FER1L6: variants seen among roughly 807,000 people sequenced by gnomAD.
The protein encoded by FER1L6 is fer-1 like family member 6.
Under a neutral mutation model 219.2 loss-of-function variants are expected in FER1L6, and 177 were observed. The observed-to-expected ratio is 0.81, with a 90% CI of 0.71 to 0.91. The LOEUF (loss-of-function observed/expected upper bound fraction) is 0.91, where lower values mean the gene tolerates loss of function less well. Ranked by LOEUF, FER1L6 falls within the 40% of genes least tolerant of loss-of-function variation. The pLI, the probability that FER1L6 is intolerant of heterozygous loss-of-function variation, is 0.00. For synonymous variants in FER1L6, 768 were observed against 824.3 expected (o/e 0.93, Z 1.17); for missense variants, 2,153 against 2,259.9 (o/e 0.95, Z 0.96).
rs1237781579 is a variant in FER1L6, at chr8:123,973,568, T to C, written c.526+56T>C. ...TCACTTGTCTTTGGTTTATAGCACC[T>C]GGAGTCATCCCATTCATTCACTCAC... On this transcript the variant is annotated intron_variant, in intron 7 of 40. Coordinates refer to ENST00000522917, the MANE Select transcript of FER1L6 (RefSeq NM_001039112.2). The C allele has an allele frequency of 7.0e-6, 9 of 1,290,014 alleles. No homozygotes were observed. The African/African-American group carries it at 7.3e-5, about 10-fold the overall frequency. 79.9% of individuals were successfully genotyped at this position (1,290,014 alleles called of 1,614,324 possible).
chr8:123,864,514 C>G (rs1044080336), intron 1 of FER1L6, among the ~76,000 whole-genome samples: 1 of 149,776 alleles, frequency 6.7e-6, no homozygotes, highest in African/African-American at 2.5e-5. Flanking sequence ...TTTCCTGAAT[C>G]TGAACGTTGG....
intron 20 of FER1L6, among the ~76,000 whole-genome samples, chr8:124,042,596 C>A (rs1259351195): frequency 6.6e-6 from 1 of 152,166 alleles, no homozygotes; most frequent in Admixed American, 6.5e-5. Flanking sequence ...GTACCAATTT[C>A]CCTCTCCTGT....
At chr8:124,114,453 A>G (rs1313016569) in intron 39 of FER1L6, among the ~76,000 whole-genome samples, 2 of 152,142 alleles carry the variant, frequency 1.3e-5, no homozygotes, top group Admixed American at 6.6e-5. Flanking sequence ...TAGCACGTAG[A>G]TCCTGGTTTC....
chr8:123,974,680 A>AAAAAAG (rs1362934333), intron 7 of FER1L6, among the ~76,000 whole-genome samples: 1 of 148,596 alleles, frequency 6.7e-6, no homozygotes, highest in Non-Finnish European at 1.5e-5. Flanking sequence ...AAAAAAAAAA[A>AAAAAAG]AAGAAATGTG....
intron 18 of FER1L6, among the ~76,000 whole-genome samples, chr8:124,024,163 TG>T (rs1818598154): frequency 2.0e-5 from 3 of 152,008 alleles, no homozygotes; most frequent in African/African-American, 7.3e-5. Context: ...CCCAAAGTGC[TG>T]GGATTACAAG....
At chr8:123,926,061 A>G (rs773308276) in intron 1 of FER1L6, 5 of 152,218 alleles carry the variant, frequency 3.3e-5, no homozygotes, top group African/African-American at 4.8e-5. Context: ...TATAATGGCT[A>G]TATAAATTAT....
At chr8:124,105,382 G>A (rs551334795) in intron 39 of FER1L6, among the ~76,000 whole-genome samples, 35 of 152,202 alleles carry the variant, frequency 2.3e-4, no homozygotes, top group Non-Finnish European at 3.2e-4. Context: ...TGAAAAGCTT[G>A]GACTTCATTC....
At chr8:123,884,086 G>A (rs1007849597) in intron 1 of FER1L6, among the ~76,000 whole-genome samples, 1 of 152,338 alleles carries the variant, frequency 6.6e-6, no homozygotes, top group South Asian at 2.1e-4. Flanking sequence ...AAGTGGAAAA[G>A]GAGGGCTGTG....
chr8:123,902,879 T>A (rs980773886), intron 1 of FER1L6, among the ~76,000 whole-genome samples: 34 of 152,200 alleles, frequency 2.2e-4, no homozygotes, highest in African/African-American at 8.2e-4. Flanking sequence ...TTTTAACTCC[T>A]ATTTTTGTTT....
At chr8:124,073,128 T>C (rs978712722) in intron 31 of FER1L6, among the ~76,000 whole-genome samples, 31 of 152,174 alleles carry the variant, frequency 2.0e-4, no homozygotes, top group African/African-American at 7.5e-4. Flanking sequence ...CCAGAAATAG[T>C]ATGAACAGTA....
At chr8:124,089,147 G>A (rs994902954) in intron 33 of FER1L6, among the ~76,000 whole-genome samples, 9 of 152,140 alleles carry the variant, frequency 5.9e-5, no homozygotes, top group Non-Finnish European at 7.3e-5. Context: ...CTGCGGTGGC[G>A]GAGCTTGCTG....
chr8:124,082,076 G>A (rs182045384), intron 32 of FER1L6, among the ~76,000 whole-genome samples: 12 of 152,294 alleles, frequency 7.9e-5, no homozygotes, highest in Non-Finnish European at 1.6e-4. Context: ...GAAAAGGGGA[G>A]ATTATTGGCT....
intron 12 of FER1L6, among the ~76,000 whole-genome samples, chr8:123,995,437 C>G (rs930752465): frequency 6.6e-6 from 1 of 152,080 alleles, no homozygotes; most frequent in Non-Finnish European, 1.5e-5. Context: ...TCCATTTCTT[C>G]TAGGTTTTCC....
At chr8:124,073,824 C>T (rs188130100) in intron 31 of FER1L6, among the ~76,000 whole-genome samples, 12 of 152,216 alleles carry the variant, frequency 7.9e-5, no homozygotes, top group East Asian at 5.8e-4. Flanking sequence ...AACAAAGGAA[C>T]GGATAAATTA....
intron 22 of FER1L6, among the ~76,000 whole-genome samples, chr8:124,054,740 G>A (rs1487054784): frequency 2.0e-5 from 3 of 152,210 alleles, no homozygotes; most frequent in Admixed American, 6.5e-5. Context: ...GGAGGTCAAT[G>A]TGGCTGGAAT....
chr8:123,968,112 A>G (rs1018118981), intron 5 of FER1L6, among the ~76,000 whole-genome samples: 1 of 152,184 alleles, frequency 6.6e-6, no homozygotes, highest in Admixed American at 6.5e-5. Context: ...GCCTCTGACT[A>G]TAAATGAAAT....
At chr8:124,062,419 T>G (rs1820627153) in intron 25 of FER1L6, among the ~76,000 whole-genome samples, 1 of 152,166 alleles carries the variant, frequency 6.6e-6, no homozygotes, top group South Asian at 2.1e-4. Context: ...ATTCTCTCAT[T>G]CTATCCACTG....
chr8:123,990,560 C>T (rs986216982), intron 12 of FER1L6, among the ~76,000 whole-genome samples: 8 of 152,154 alleles, frequency 5.3e-5, no homozygotes, highest in Admixed American at 6.5e-5. Context: ...CATTTGCCAA[C>T]TTTTTGATGA....
rs1243198252 is a variant in FER1L6 at position 124,061,875 on chromosome 8, G to C, written c.3171G>C (p.Leu1057=). 7 of 1,613,694 alleles carry C rather than the reference G, an allele frequency of 4.3e-6. No homozygotes were observed. Among genetic ancestry groups the C allele is most frequent in the Non-Finnish European group, 5.9e-6 (7 of 1,179,966 alleles). ...AGGAACTGCCTGAGAACGAGCTTCT[G>C]CACCCGCCACTGAGCATCTGCGTGG... The part of the protein sequence containing the change: ...FEVELPENEL[L]HPPLSICVVD... The change falls in exon 25 of 41, where the codon CTG becomes CTC. Residue 1057 remains leucine (L), a synonymous_variant. Coordinates refer to ENST00000522917, the MANE Select transcript of FER1L6 (RefSeq NM_001039112.2).
Sources: gnomAD v4.1 joint callset for allele counts (sites outside exome capture counted in the v4.1 genomes callset) on GRCh38, gnomAD v4.1.1 for gene constraint, MANE v1.5 for transcripts, NCBI Gene and HGNC (gene_info 2026-07-23, HGNC 2026-07-21) for gene names.